SPMIP11: variants seen among roughly 807,000 people sequenced by gnomAD.
SPMIP11 encodes the protein sperm microtubule inner protein 11.
the SPMIP11 span, chr12:48,727,475 T>C: frequency 1.4e-6 from 1 of 702,926 alleles, no homozygotes; most frequent in Non-Finnish European, 2.6e-6. Context: ...CCAGGGAGGA[T>C]CTGAGATGGC....
the SPMIP11 span, among the ~76,000 whole-genome samples, chr12:48,754,482 G>A: frequency 2.0e-5 from 3 of 151,338 alleles, no homozygotes; most frequent in African/African-American, 4.9e-5. Flanking sequence ...ACGGAGTCTC[G>A]CTCTGTCACC....
At chr12:48,765,209 T>C in the SPMIP11 span, among the ~76,000 whole-genome samples, 1 of 152,272 alleles carries the variant, frequency 6.6e-6, no homozygotes, top group South Asian at 2.1e-4. Context: ...TGGGTGTGAC[T>C]TCTGAGCTAG....
At chr12:48,744,998 T>C in the SPMIP11 span, among the ~76,000 whole-genome samples, 64 of 151,952 alleles carry the variant, frequency 4.2e-4, no homozygotes, top group Middle Eastern at 0.01. Context: ...AGGCCGGGCG[T>C]GGTGGCTCAC....
At chr12:48,732,464 C>A in the SPMIP11 span, among the ~76,000 whole-genome samples, 1 of 151,960 alleles carries the variant, frequency 6.6e-6, no homozygotes, top group Non-Finnish European at 1.5e-5. Context: ...GATCAATTAA[C>A]AAATACTATA....
the SPMIP11 span, among the ~76,000 whole-genome samples, chr12:48,752,463 C>T: frequency 7.9e-5 from 12 of 152,106 alleles, no homozygotes; most frequent in African/African-American, 2.4e-4. Context: ...ATTCCTGTCC[C>T]TCCCAGGCTC....
chr12:48,734,081 T>G, the SPMIP11 span, among the ~76,000 whole-genome samples: 1 of 151,500 alleles, frequency 6.6e-6, no homozygotes, highest in Non-Finnish European at 1.5e-5. Context: ...GCCTATGTGA[T>G]GTATATTTAT....
chr12:48,730,556 G>A, the SPMIP11 span, among the ~76,000 whole-genome samples: 8 of 152,310 alleles, frequency 5.3e-5, no homozygotes, highest in African/African-American at 1.9e-4. Flanking sequence ...ACCAGGCACT[G>A]TACTAAGCAC....
chr12:48,730,799 G>A, the SPMIP11 span, among the ~76,000 whole-genome samples: 2 of 152,168 alleles, frequency 1.3e-5, no homozygotes, highest in Non-Finnish European at 1.5e-5. Context: ...TTAGCCAGGC[G>A]TAGTGGCACA....
At chr12:48,770,699 G>C in the SPMIP11 span, 22 of 1,517,082 alleles carry the variant, frequency 1.5e-5, no homozygotes, top group Non-Finnish European at 2.0e-5. Flanking sequence ...CCCATCCCCA[G>C]CCTATAATCC....
At chr12:48,762,779 G>C in the SPMIP11 span, among the ~76,000 whole-genome samples, 13,546 of 152,202 alleles carry the variant, frequency 0.089, 824 homozygotes, top group African/African-American at 0.18. Context: ...AGGATGGGTG[G>C]TGATGGAACT....
the SPMIP11 span, among the ~76,000 whole-genome samples, chr12:48,746,135 T>C: frequency 6.6e-6 from 1 of 151,848 alleles, no homozygotes; most frequent in South Asian, 2.1e-4. Flanking sequence ...AGGGAGAAAA[T>C]AAAGGGGCAA....
the SPMIP11 span, among the ~76,000 whole-genome samples, chr12:48,759,798 G>A: frequency 2.0e-5 from 3 of 152,000 alleles, no homozygotes; most frequent in Non-Finnish European, 4.4e-5. Context: ...AGCACGATAT[G>A]ATAAAATGAA....
the SPMIP11 span, among the ~76,000 whole-genome samples, chr12:48,760,508 T>C: frequency 6.7e-6 from 1 of 150,216 alleles, no homozygotes; most frequent in Admixed American, 6.7e-5. Context: ...ACTCCCTCAT[T>C]GGTTTTGCTG....
At chr12:48,744,875 A>G in the SPMIP11 span, among the ~76,000 whole-genome samples, 1 of 152,108 alleles carries the variant, frequency 6.6e-6, no homozygotes, top group Non-Finnish European at 1.5e-5. Flanking sequence ...AAAAGAAAAG[A>G]AAGAAAAAGA....
At chr12:48,765,493 T>C in the SPMIP11 span, 1 of 655,778 alleles carries the variant, frequency 1.5e-6, no homozygotes, top group Non-Finnish European at 2.8e-6. Flanking sequence ...CCTCCCAAAG[T>C]GCTGGGATTA....
chr12:48,737,925 C>T, the SPMIP11 span, among the ~76,000 whole-genome samples: 220 of 152,136 alleles, frequency 1.4e-3, no homozygotes, highest in African/African-American at 5.0e-3. Context: ...CAGGCTCAAG[C>T]GATGCTCCCA....
the SPMIP11 span, among the ~76,000 whole-genome samples, chr12:48,761,002 G>A: frequency 6.6e-6 from 1 of 152,188 alleles, no homozygotes; most frequent in African/African-American, 2.4e-5. Flanking sequence ...AACTGCAAAC[G>A]AATTCTGTGA....
chr12:48,733,327 G>A, the SPMIP11 span, among the ~76,000 whole-genome samples: 1 of 151,818 alleles, frequency 6.6e-6, no homozygotes, highest in African/African-American at 2.4e-5. Context: ...CTCCCACCTC[G>A]GCCTCCCAAA....
chr12:48,768,463 G>A, the SPMIP11 span: 7 of 1,358,228 alleles, frequency 5.2e-6, no homozygotes, highest in Non-Finnish European at 7.3e-6. Context: ...CAGCCTGCTG[G>A]GATGTTCCCT....
Sources: allele counts gnomAD v4.1 joint callset (sites outside exome capture counted in the v4.1 genomes callset), GRCh38; gene constraint gnomAD v4.1.1; transcripts MANE v1.5; gene names NCBI Gene and HGNC (gene_info 2026-07-23, HGNC 2026-07-21).